Variants in USP3 observed in about 807,000 individuals in gnomAD.
USP3 encodes the protein ubiquitin carboxyl-terminal hydrolase 3.
USP3 carries 20 observed loss-of-function variants against 72.3 expected under a neutral mutation model. The ratio of observed to expected loss-of-function variants is 0.28; its 90% CI spans 0.19 to 0.40. The LOEUF (loss-of-function observed/expected upper bound fraction) is 0.40. Among genes scored for constraint, USP3 ranks in the 10% least tolerant of loss-of-function variants. The pLI is 1.00. For missense variants in USP3, 479 were observed against 633.9 expected, an observed-to-expected ratio of 0.76 and a Z score of 2.62; for synonymous variants, 222 against 225.3, an observed-to-expected ratio of 0.99 and a Z score of 0.13.
intron 8 of USP3, among the ~76,000 whole-genome samples, chr15:63,563,811 G>T (rs925660563): frequency 6.6e-6 from 1 of 152,084 alleles, no homozygotes; most frequent in African/African-American, 2.4e-5. Flanking sequence ...CATCTATCTT[G>T]CCCTATTGCC....
chr15:63,504,871 C>T, intron 1 of USP3, 41 bp downstream of exon 1: 1 of 1,511,504 alleles, frequency 6.6e-7, no homozygotes, highest in Non-Finnish European at 8.8e-7. Context: ...GCACCCGAGG[C>T]CGCGGCTCTG....
intron 1 of USP3, chr15:63,532,422 G>C: frequency 1.7e-6 from 1 of 593,632 alleles, no homozygotes; most frequent in Non-Finnish European, 3.0e-6. Context: ...TATTTGGGTT[G>C]AGTCAGCAAT....
At chr15:63,557,619 G>A (rs749261827) in intron 5 of USP3, among the ~76,000 whole-genome samples, 1 of 152,134 alleles carries the variant, frequency 6.6e-6, no homozygotes, top group Non-Finnish European at 1.5e-5. Context: ...GTCTTGAGGC[G>A]CCTGGCCTCA....
intron 3 of USP3, among the ~76,000 whole-genome samples, chr15:63,551,650 A>C (rs1330372915): frequency 6.6e-6 from 1 of 152,208 alleles, no homozygotes; most frequent in South Asian, 2.1e-4. Context: ...ATCTTGCACA[A>C]TTTAATAATA....
At chr15:63,579,172 C>T (rs2066913303) in intron 11 of USP3, among the ~76,000 whole-genome samples, 1 of 152,068 alleles carries the variant, frequency 6.6e-6, no homozygotes, top group Non-Finnish European at 1.5e-5. Context: ...TATAAAAGGA[C>T]AGATAAAGCC....
rs1203057970 is a variant in USP3 at position 63,574,590 on chromosome 15, GATATTGTGTGAAGCATAAA to G, written c.1096+193_1096+211del. On this transcript the variant is annotated intron_variant, in intron 11 of 14. Transcript: ENST00000380324. This position sits in a 1 kb window ranked among gnomAD's most constrained non-coding sequence, Gnocchi z 4.6. ...TATTGAATAAGAATGTGTGCCATAA[GATATTGTGTGAAGCATAAA>G]ATATTTCTCACCTTTTTCTTCTTTG... Among the ~76,000 whole-genome samples the G allele has an allele frequency of 6.9e-4, 105 of 152,284 alleles. 1 individual carries two copies. The highest frequency in any genetic ancestry group is 2.5e-3 in the African/African-American group (103 of 41,562).
chr15:63,547,720 AAT>A (rs1567108291), intron 3 of USP3, among the ~76,000 whole-genome samples: 1 of 75,812 alleles, frequency 1.3e-5, no homozygotes, highest in Non-Finnish European at 2.7e-5. Flanking sequence ...ACCCTGTCTC[AAT>A]AGAGAGAGAG....
At chr15:63,573,869 G>A (rs189961388) in intron 9 of USP3, among the ~76,000 whole-genome samples, 177 bp from the exon 10 acceptor site, 101 of 152,298 alleles carry the variant, frequency 6.6e-4, no homozygotes, top group Admixed American at 1.3e-3. Flanking sequence ...CTTTTATTTA[G>A]TATGTGTCTG....
At chr15:63,563,119 G>T in intron 8 of USP3, 111 bp downstream of exon 8, 1 of 732,870 alleles carries the variant, frequency 1.4e-6, no homozygotes, top group Non-Finnish European at 2.0e-6. Flanking sequence ...ACTTAAGACT[G>T]GTTTGGTGTT....
intron 11 of USP3, among the ~76,000 whole-genome samples, chr15:63,581,628 C>T (rs1479692284): frequency 2.7e-5 from 4 of 148,772 alleles, no homozygotes; most frequent in Non-Finnish European, 5.9e-5. Context: ...AACTCCTGAC[C>T]TCATGATCCA....
At chr15:63,535,807 T>C (rs928381327) in intron 2 of USP3, among the ~76,000 whole-genome samples, 4 of 152,178 alleles carry the variant, frequency 2.6e-5, no homozygotes, top group Non-Finnish European at 4.4e-5. Context: ...AGGTAAGTGT[T>C]TTTCCTGGTG....
At chr15:63,508,991 A>G (rs1471532332) in intron 1 of USP3, among the ~76,000 whole-genome samples, 2 of 152,276 alleles carry the variant, frequency 1.3e-5, no homozygotes, top group East Asian at 3.9e-4. Flanking sequence ...AATACTGGAG[A>G]TAAACCCTTT....
At chr15:63,547,684 C>G (rs2066350299) in intron 3 of USP3, among the ~76,000 whole-genome samples, 1 of 140,484 alleles carries the variant, frequency 7.1e-6, no homozygotes, top group Admixed American at 7.6e-5. Flanking sequence ...GAGCTGTGAT[C>G]TGTGATAGCA....
At chr15:63,517,268 A>AT (rs2065862803) in intron 1 of USP3, among the ~76,000 whole-genome samples, 1 of 151,936 alleles carries the variant, frequency 6.6e-6, no homozygotes, top group African/African-American at 2.4e-5. Context: ...GTATTTAAAA[A>AT]TTTTAAGAGC....
intron 2 of USP3, among the ~76,000 whole-genome samples, chr15:63,533,444 A>G (rs1026088623): frequency 4.6e-5 from 7 of 152,140 alleles, no homozygotes; most frequent in Non-Finnish European, 8.8e-5. Flanking sequence ...GCACAAACTC[A>G]AGTATATTGT....
intron 8 of USP3, among the ~76,000 whole-genome samples, chr15:63,565,712 T>A (rs2066678946): frequency 6.6e-6 from 1 of 152,204 alleles, no homozygotes; most frequent in African/African-American, 2.4e-5. Flanking sequence ...TGATTCATAT[T>A]AGTATACAAA....
At chr15:63,538,091 G>T (rs2066186539) in intron 3 of USP3, among the ~76,000 whole-genome samples, 1 of 151,858 alleles carries the variant, frequency 6.6e-6, no homozygotes, top group African/African-American at 2.4e-5. Flanking sequence ...GACAAAGTAG[G>T]TATCTATTTT....
intron 3 of USP3, among the ~76,000 whole-genome samples, chr15:63,545,477 T>C (rs528729367): frequency 6.6e-6 from 1 of 152,320 alleles, no homozygotes; most frequent in African/African-American, 2.4e-5. Context: ...TTGTCTGTCT[T>C]AGAAGTAAAG....
chr15:63,539,740 C>G lies in USP3; in HGVS notation c.284+2584C>G, dbSNP rs117557371. On this transcript the variant is annotated intron_variant, in intron 3 of 14. Transcript: ENST00000380324. ...GTACAGAGCTGCAAGTGTGTGGACA[C>G]CCAGAGCTGCTGAATTCAGGAAGGG... 1.8e-3 allele frequency among the ~76,000 whole-genome samples: 271 copies of G among 152,284 alleles called. 3 individuals are homozygous for G. In the East Asian group the frequency reaches 0.023, roughly 13 times the overall value.
Sources: allele counts gnomAD v4.1 joint callset (sites outside exome capture counted in the v4.1 genomes callset), GRCh38; gene constraint gnomAD v4.1.1; non-coding constraint Gnocchi (gnomAD v3.1); transcripts MANE v1.5; gene names NCBI Gene and HGNC (gene_info 2026-07-23, HGNC 2026-07-21).